Variants in IL1RAPL1 observed in about 807,000 individuals in gnomAD.
The protein encoded by IL1RAPL1 is interleukin 1 receptor accessory protein like 1, also known as interleukin-1 receptor accessory protein-like 1.
A neutral mutation model predicts 48.4 loss-of-function variants in IL1RAPL1; 3 were observed. The observed-to-expected ratio is 0.06, with a 90% confidence interval of 0.03 to 0.16. IL1RAPL1 has a LOEUF of 0.16. Among genes scored for constraint, IL1RAPL1 ranks in the 10% least tolerant of loss-of-function variants. The probability of loss-of-function intolerance (pLI) is 1.00; values close to 1 mark genes in which losing one functional copy is unlikely to be tolerated. For missense variants in IL1RAPL1, 349 were observed against 530.6 expected (o/e 0.66, Z 3.36); for synonymous variants, 185 against 187.7 (o/e 0.99, Z 0.12).
At chrX:29,652,883 T>C (rs1925560604) in intron 5 of IL1RAPL1, among the ~76,000 whole-genome samples, 1 of 112,230 alleles carries the variant, frequency 8.9e-6, no homozygotes, top group African/African-American at 3.2e-5. Context: ...AGTATTTCAC[T>C]GATGAATTGT....
intron 2 of IL1RAPL1, among the ~76,000 whole-genome samples, chrX:29,232,147 A>G (rs1013118381): frequency 8.9e-6 from 1 of 111,765 alleles, no homozygotes; most frequent in Non-Finnish European, 1.9e-5. Flanking sequence ...TTAAATATAT[A>G]TTAAATGTTA....
intron 5 of IL1RAPL1, among the ~76,000 whole-genome samples, chrX:29,628,078 C>T (rs1924666332): frequency 8.9e-6 from 1 of 112,127 alleles, no homozygotes; most frequent in Non-Finnish European, 1.9e-5. Context: ...ACAGTTGACT[C>T]ATCCCGTGAG....
At chrX:29,012,057 C>T (rs1250931662) in intron 2 of IL1RAPL1, among the ~76,000 whole-genome samples, 1 of 112,244 alleles carries the variant, frequency 8.9e-6, no homozygotes, top group Non-Finnish European at 1.9e-5. Context: ...CTGTTATGTA[C>T]AGATTTTGGC....
intron 3 of IL1RAPL1, among the ~76,000 whole-genome samples, chrX:29,342,897 T>C (rs1933102038): frequency 8.9e-6 from 1 of 111,950 alleles, no homozygotes; most frequent in Non-Finnish European, 1.9e-5. Flanking sequence ...TAAGGGACCA[T>C]TGCTAGGTCA....
At chrX:28,898,485 T>TC (rs1569195773) in intron 2 of IL1RAPL1, among the ~76,000 whole-genome samples, 1 of 111,182 alleles carries the variant, frequency 9.0e-6, no homozygotes, top group Non-Finnish European at 1.9e-5. Context: ...CTTCTTTTTT[T>TC]CCCCCTTTTT....
At position 29,429,880 on chromosome X, in the gene IL1RAPL1, ATG is replaced by A. The variant is rs746046525; in HGVS notation, c.703+30585_703+30586del. On this transcript the variant is annotated intron_variant, in intron 5 of 10. Coordinates refer to ENST00000378993, the MANE Select transcript of IL1RAPL1 (RefSeq NM_014271.4). ...ATATATATAATTATAGTGTATATATATGTGTGTGTGTGTGGTGTGTGTGTGTG... is the reference window on the plus strand; with the variant it reads ...ATATATATAATTATAGTGTATATATATGTGTGTGTGTGGTGTGTGTGTGTG... Among the ~76,000 whole-genome samples, 555 of 92,447 alleles carry A rather than the reference ATG, an allele frequency of 6.0e-3. 15 individuals carry two copies. Among genetic ancestry groups the A allele is most frequent in the African/African-American group, 0.018 (420 of 23,958 alleles). The allele number at this position is 92,447 out of a possible 115,157, so 80.3% of individuals were successfully genotyped here.
At chrX:29,032,048 G>T (rs922072030) in intron 2 of IL1RAPL1, among the ~76,000 whole-genome samples, 6 of 111,624 alleles carry the variant, frequency 5.4e-5, no homozygotes, top group Non-Finnish European at 7.5e-5. Context: ...TATCTGTCAT[G>T]CTTAGCATAG....
chrX:29,456,534 C>T (rs1045500373), intron 5 of IL1RAPL1, among the ~76,000 whole-genome samples: 6 of 107,327 alleles, frequency 5.6e-5, no homozygotes, highest in Admixed American at 2.0e-4. Context: ...CATTTTATTT[C>T]ATTAAAACAT....
At chrX:28,708,392 C>A (rs1935400466) in intron 1 of IL1RAPL1, among the ~76,000 whole-genome samples, 1 of 110,776 alleles carries the variant, frequency 9.0e-6, no homozygotes, top group Non-Finnish European at 1.9e-5. Flanking sequence ...AGTAGTACAG[C>A]CACTATGGAA....
At chrX:29,474,070 C>T (rs932339347) in intron 5 of IL1RAPL1, among the ~76,000 whole-genome samples, 6 of 111,765 alleles carry the variant, frequency 5.4e-5, no homozygotes, top group African/African-American at 1.6e-4. Context: ...TAAGAAAGGA[C>T]GCATTTTTCA....
chrX:29,809,507 C>T (rs1369606040), intron 6 of IL1RAPL1, among the ~76,000 whole-genome samples: 1 of 111,536 alleles, frequency 9.0e-6, no homozygotes, highest in Non-Finnish European at 1.9e-5. Flanking sequence ...TATCTTTACT[C>T]GCCTTCAGAA....
At chrX:29,508,474 A>G (rs1286670578) in intron 5 of IL1RAPL1, among the ~76,000 whole-genome samples, 3 of 112,321 alleles carry the variant, frequency 2.7e-5, no homozygotes, top group Non-Finnish European at 5.6e-5. Context: ...TTTGACAACT[A>G]TATAAAACAG....
chrX:29,884,550 C>T (rs934721833), intron 6 of IL1RAPL1, among the ~76,000 whole-genome samples: 8 of 111,224 alleles, frequency 7.2e-5, no homozygotes, highest in Non-Finnish European at 1.5e-4. Context: ...GTCATCTTCT[C>T]TACTCTCCCT....
intron 6 of IL1RAPL1, among the ~76,000 whole-genome samples, chrX:29,727,331 A>G (rs1487999053): frequency 8.9e-6 from 1 of 112,055 alleles, no homozygotes. Context: ...AGATGCTTCA[A>G]ATGGTCATAA....
At chrX:29,108,987 C>T (rs1176674023) in intron 2 of IL1RAPL1, among the ~76,000 whole-genome samples, 1 of 109,608 alleles carries the variant, frequency 9.1e-6, no homozygotes, top group East Asian at 2.8e-4. Flanking sequence ...TCATATTTTG[C>T]GTTTTGTAAA....
intron 2 of IL1RAPL1, among the ~76,000 whole-genome samples, chrX:29,219,072 G>A (rs992371610): frequency 1.8e-5 from 2 of 111,877 alleles, no homozygotes; most frequent in African/African-American, 6.5e-5. Flanking sequence ...ATAATTTTCT[G>A]TTGTGTGATA....
intron 2 of IL1RAPL1, among the ~76,000 whole-genome samples, chrX:28,963,358 TC>T: frequency 9.0e-6 from 1 of 111,480 alleles, no homozygotes; most frequent in South Asian, 3.7e-4. Context: ...ATAAAGATGA[TC>T]TCTATTTTAC....
chrX:28,623,391 G>A (rs1050599493), intron 1 of IL1RAPL1, among the ~76,000 whole-genome samples: 8 of 111,441 alleles, frequency 7.2e-5, no homozygotes, highest in African/African-American at 1.3e-4. Context: ...GGAATTTATC[G>A]CAACGGGTAT....
At chrX:29,080,817 G>A (rs376099091) in intron 2 of IL1RAPL1, among the ~76,000 whole-genome samples, 130 of 102,768 alleles carry the variant, frequency 1.3e-3, no homozygotes, top group Non-Finnish European at 8.3e-4. Context: ...ATTTTGGCTC[G>A]CTGCAACCTC....
Sources: gnomAD v4.1 joint callset for allele counts (sites outside exome capture counted in the v4.1 genomes callset) on GRCh38, gnomAD v4.1.1 for gene constraint, MANE v1.5 for transcripts, NCBI Gene and HGNC (gene_info 2026-07-23, HGNC 2026-07-21) for gene names.